The following PIK3C2G variants were observed in gnomAD, a reference collection of about 807,000 sequenced individuals.
PIK3C2G encodes the protein phosphatidylinositol-4-phosphate 3-kinase catalytic subunit type 2 gamma, also known as phosphatidylinositol 3-kinase C2 domain-containing subunit gamma.
In PIK3C2G, 168 loss-of-function variants were observed where a neutral mutation model predicts 181.1. The observed-to-expected ratio is 0.93, with a 90% confidence interval of 0.82 to 1.05. The LOEUF is 1.05. PIK3C2G is among the 50% of genes least tolerant of loss of function. The pLI is 0.00. For missense variants in PIK3C2G, 1,869 were observed against 1,732.8 expected, an observed-to-expected ratio of 1.08 and a Z score of -1.40; for synonymous variants, 573 against 592.2, an observed-to-expected ratio of 0.97 and a Z score of 0.47.
At chr12:18,381,553 C>T (rs928662079) in intron 13 of PIK3C2G, among the ~76,000 whole-genome samples, 4 of 152,158 alleles carry the variant, frequency 2.6e-5, no homozygotes, top group African/African-American at 2.4e-5. Flanking sequence ...TAAATGTAGG[C>T]ATTTATGAAA....
intron 16 of PIK3C2G, among the ~76,000 whole-genome samples, chr12:18,405,853 GTCA>G (rs1192099157): frequency 6.6e-6 from 1 of 152,042 alleles, no homozygotes; most frequent in Non-Finnish European, 1.5e-5. Flanking sequence ...AATTAACAAA[GTCA>G]TCATCTCACA....
At position 18,338,447 on chromosome 12, in the gene PIK3C2G, GA is replaced by G; in HGVS notation, c.1296del (p.Glu433LysfsTer9). ...KTQENVYNII[E>X]EVKKICSVLG... The stretch of plus-strand genomic sequence containing the variant: ...ACAGGAAAACGTGTATAATATTATT[GA>G]AGAAGTTAAAAAAATATGCAGTGTT... On this transcript the variant is annotated frameshift_variant, in exon 9 of 33. Coordinates refer to ENST00000538779, the MANE Select transcript of PIK3C2G (RefSeq NM_001288772.2). LOFTEE classifies it high-confidence loss of function. The G allele has an allele frequency of 6.4e-7, 1 of 1,570,362 alleles. No individual in the cohort carries two copies. The highest frequency in any genetic ancestry group is 1.4e-5 in the African/African-American group (1 of 73,868).
chr12:18,289,755 T>A (rs1413388314), intron 3 of PIK3C2G, among the ~76,000 whole-genome samples: 1 of 152,208 alleles, frequency 6.6e-6, no homozygotes, highest in Non-Finnish European at 1.5e-5. Context: ...GCCAGGCCCC[T>A]GATGGAGGAG....
At chr12:18,594,211 A>G (rs1161646700) in intron 29 of PIK3C2G, among the ~76,000 whole-genome samples, 1 of 152,026 alleles carries the variant, frequency 6.6e-6, no homozygotes, top group East Asian at 1.9e-4. Context: ...TGTAAAATTC[A>G]AGAATGTGGA....
At chr12:18,410,174 GCA>G (rs1342629205) in intron 16 of PIK3C2G, among the ~76,000 whole-genome samples, 1 of 152,094 alleles carries the variant, frequency 6.6e-6, no homozygotes, top group Non-Finnish European at 1.5e-5. Flanking sequence ...CCAACATGGG[GCA>G]CACTAGCTGA....
At chr12:18,540,648 CTT>C (rs999523432) in intron 25 of PIK3C2G, among the ~76,000 whole-genome samples, 3 of 151,776 alleles carry the variant, frequency 2.0e-5, no homozygotes, top group Non-Finnish European at 2.9e-5. Flanking sequence ...TCATTAATCA[CTT>C]GTTGAAAATT....
At chr12:18,629,059 T>A (rs1949229906) in intron 31 of PIK3C2G, among the ~76,000 whole-genome samples, 1 of 152,232 alleles carries the variant, frequency 6.6e-6, no homozygotes, top group Non-Finnish European at 1.5e-5. Context: ...AATAGCAAAC[T>A]TGAGTGAAAT....
intron 26 of PIK3C2G, among the ~76,000 whole-genome samples, chr12:18,548,759 G>A (rs916195742): frequency 6.6e-6 from 1 of 151,964 alleles, no homozygotes; most frequent in Non-Finnish European, 1.5e-5. Flanking sequence ...CTCCATTGAA[G>A]CCTTAAAAGG....
chr12:18,540,622 G>A (rs774993438), intron 25 of PIK3C2G, among the ~76,000 whole-genome samples: 4 of 151,814 alleles, frequency 2.6e-5, no homozygotes, highest in Non-Finnish European at 5.9e-5. Flanking sequence ...TTATTCATAA[G>A]TATTAAAATA....
intron 18 of PIK3C2G, among the ~76,000 whole-genome samples, chr12:18,478,773 C>T (rs1241672246): frequency 6.6e-6 from 1 of 152,012 alleles, no homozygotes; most frequent in Admixed American, 6.6e-5. Context: ...CCAAGAGTTC[C>T]AGACCAGCCT....
chr12:18,418,165 A>C (rs1945285998), intron 16 of PIK3C2G, among the ~76,000 whole-genome samples: 1 of 152,204 alleles, frequency 6.6e-6, no homozygotes, highest in Admixed American at 6.5e-5. Context: ...AAGGACACAT[A>C]TGTAAAAAGA....
chr12:18,375,201 T>C (rs1405118744), intron 13 of PIK3C2G, among the ~76,000 whole-genome samples: 1 of 152,150 alleles, frequency 6.6e-6, no homozygotes, highest in East Asian at 1.9e-4. Context: ...ACTAGTTAAA[T>C]AGTTGTGGCC....
chr12:18,620,499 ATG>A (rs1948805709), intron 31 of PIK3C2G, among the ~76,000 whole-genome samples: 2 of 151,152 alleles, frequency 1.3e-5, no homozygotes, highest in Non-Finnish European at 2.9e-5. Flanking sequence ...TCTTGTGCAT[ATG>A]ACAGATAGAT....
intron 5 of PIK3C2G, among the ~76,000 whole-genome samples, chr12:18,310,657 C>A (rs1950599324): frequency 6.6e-6 from 1 of 151,216 alleles, no homozygotes; most frequent in African/African-American, 2.4e-5. Flanking sequence ...AAAAAGGTGA[C>A]CACCAGAAAG....
chr12:18,255,156 C>A (rs1045102444), intron 1 of PIK3C2G, among the ~76,000 whole-genome samples: 1 of 150,974 alleles, frequency 6.6e-6, no homozygotes, highest in African/African-American at 2.4e-5. Context: ...GTGGAGATTG[C>A]GGTGAGCTGA....
the PIK3C2G span, chr12:18,693,718 C>T: frequency 6.4e-7 from 1 of 1,552,836 alleles, no homozygotes; most frequent in Non-Finnish European, 8.9e-7. Context: ...AACTGCTGAA[C>T]CAGTTGGATG....
intron 31 of PIK3C2G, among the ~76,000 whole-genome samples, chr12:18,618,879 A>G (rs1378138183): frequency 1.3e-5 from 2 of 152,146 alleles, no homozygotes; most frequent in East Asian, 1.9e-4. Context: ...AGATAGACTC[A>G]TAGAAATTAT....
Position 18,497,658 on chromosome 12 carries a change from C to T in PIK3C2G, c.2926C>T (p.Leu976Phe). Residue 976 changes from leucine to phenylalanine, a missense_variant, in exon 22 of 33, where the codon CTT becomes TTT. Transcript: ENST00000538779. ...TCGTCAGGATATGCTTGTTCTGCAG[C>T]TTATTCAAGTGATGGACAATATTTG... ...DLRQDMLVLQ[L>F]IQVMDNIWLQ... 1.2e-6 allele frequency: 2 copies of T among 1,612,496 alleles called. No homozygotes were observed. The highest frequency in any genetic ancestry group is 1.7e-6 in the Non-Finnish European group (2 of 1,178,728).
At chr12:18,384,858 A>G (rs1943066403) in intron 14 of PIK3C2G, among the ~76,000 whole-genome samples, 3 of 152,216 alleles carry the variant, frequency 2.0e-5, no homozygotes, top group Non-Finnish European at 4.4e-5. Context: ...TTCAAATTGT[A>G]TAGACACATG....
Sources: gnomAD v4.1 joint callset for allele counts (sites outside exome capture counted in the v4.1 genomes callset) on GRCh38, gnomAD v4.1.1 for gene constraint, MANE v1.5 for transcripts, NCBI Gene and HGNC (gene_info 2026-07-23, HGNC 2026-07-21) for gene names.